Variants in DENND2B observed in about 807,000 individuals in gnomAD.
DENND2B encodes DENN domain-containing protein 2B.
In DENND2B, 32 loss-of-function variants were observed where a neutral mutation model predicts 116.0. That is an observed-to-expected ratio of 0.28 (90% CI 0.21 to 0.37). The LOEUF is 0.37. DENND2B is among the 10% of genes least tolerant of loss of function. The pLI is 1.00. For missense variants in DENND2B, 1,276 were observed against 1,477.7 expected (o/e 0.86, Z 2.24); for synonymous variants, 588 against 583.9 (o/e 1.01, Z -0.10).
In DENND2B at chr11:8,827,305, G is replaced by T. The variant is rs564433243; in HGVS notation, c.-115+12005C>A. Among the ~76,000 whole-genome samples the T allele has an allele frequency of 2.0e-5, 3 of 152,222 alleles. 1 individual carries two copies. Among genetic ancestry groups the T allele is most frequent in the African/African-American group, 7.2e-5 (3 of 41,464 alleles). On this transcript the variant is annotated intron_variant, in intron 4 of 6. Transcript: ENST00000524757. ...AGGACTACTGTCCCCCGCACAGCTA[G>T]TGCCAGCAGAACACTCCCTTCTTAC... is the stretch of plus-strand genomic sequence containing the variant.
chr11:8,902,697 T>C (rs893712613), intron 1 of DENND2B, among the ~76,000 whole-genome samples: 10 of 152,218 alleles, frequency 6.6e-5, no homozygotes, highest in African/African-American at 1.7e-4. Context: ...ATCTGCAGGA[T>C]TCTGTTTCTT....
At chr11:8,804,219 A>G (rs11042075) in intron 1 of DENND2B, among the ~76,000 whole-genome samples, 43,371 of 152,152 alleles carry the variant, frequency 0.29, 6,526 homozygotes, top group East Asian at 0.41. Context: ...ACTCTCAAGT[A>G]CCTTCCTAAC....
exon 2 of DENND2B, chr11:8,870,993 G>A (rs896283798): frequency 1.4e-4 from 22 of 152,096 alleles, no homozygotes; most frequent in African/African-American, 4.3e-4. Context: ...GCGCCTGGAT[G>A]GGGTCTCGCC....
intron 1 of DENND2B, chr11:8,809,590 G>T (rs1033508327): frequency 1.3e-5 from 2 of 152,208 alleles, no homozygotes; most frequent in South Asian, 2.1e-4. Flanking sequence ...TTCTGGGAGG[G>T]TCTCCTTTCC....
At chr11:8,770,833 G>T (rs2134178000) in intron 1 of DENND2B, among the ~76,000 whole-genome samples, 1 of 152,272 alleles carries the variant, frequency 6.6e-6, no homozygotes, top group African/African-American at 2.4e-5. Context: ...TGGGATGATA[G>T]GTGTGCACCA....
intron 3 of DENND2B, among the ~76,000 whole-genome samples, chr11:8,853,668 T>C (rs1403357670): frequency 6.6e-6 from 1 of 152,044 alleles, no homozygotes; most frequent in African/African-American, 2.4e-5. Context: ...AATTGAAAAA[T>C]AAGATAGAAT....
chr11:8,859,336 C>G (rs918541496), intron 2 of DENND2B, among the ~76,000 whole-genome samples: 1 of 151,944 alleles, frequency 6.6e-6, no homozygotes, highest in African/African-American at 2.4e-5. Context: ...GAGACAGAGT[C>G]TCCCTCTCTC....
intron 2 of DENND2B, among the ~76,000 whole-genome samples, chr11:8,739,677 T>A (rs1205764593): frequency 6.6e-6 from 1 of 152,210 alleles, no homozygotes; most frequent in African/African-American, 2.4e-5. Context: ...AACACAGGCA[T>A]GGATGCCAAC....
At chr11:8,905,816 A>T (rs1019924963) in intron 1 of DENND2B, among the ~76,000 whole-genome samples, 2 of 152,134 alleles carry the variant, frequency 1.3e-5, no homozygotes, top group African/African-American at 2.4e-5. Context: ...ATATATTCAT[A>T]TAACGGGATA....
At chr11:8,894,039 CCA>C (rs1467655599) in intron 1 of DENND2B, among the ~76,000 whole-genome samples, 3 of 152,064 alleles carry the variant, frequency 2.0e-5, no homozygotes, top group African/African-American at 7.2e-5. Flanking sequence ...GGTACTGGTA[CCA>C]AAACAGAGAT....
intron 1 of DENND2B, chr11:8,871,198 A>T (rs1396481509): frequency 7.0e-6 from 1 of 142,244 alleles, no homozygotes; most frequent in East Asian, 2.2e-4. Flanking sequence ...GGCGGAGGGG[A>T]GCGCTCGGAG....
chr11:8,769,082 C>T (rs1011781615), intron 1 of DENND2B, among the ~76,000 whole-genome samples: 1 of 152,002 alleles, frequency 6.6e-6, no homozygotes, highest in African/African-American at 2.4e-5. Context: ...GGAGGCACTC[C>T]CCCTATGTCC....
chr11:8,876,379 G>A (rs894265046), upstream of DENND2B, among the ~76,000 whole-genome samples: 6 of 152,044 alleles, frequency 3.9e-5, no homozygotes, highest in Non-Finnish European at 5.9e-5. Flanking sequence ...TGTTACTTAT[G>A]TCTTTTTTAT....
chr11:8,754,075 T>C (rs935145094), intron 1 of DENND2B, among the ~76,000 whole-genome samples: 1 of 122,346 alleles, frequency 8.2e-6, no homozygotes, highest in Non-Finnish European at 1.7e-5. Context: ...AGGACATGAA[T>C]TGTACTATGT....
At chr11:8,758,296 T>C (rs1162282996) in intron 1 of DENND2B, among the ~76,000 whole-genome samples, 2 of 152,158 alleles carry the variant, frequency 1.3e-5, no homozygotes, top group Non-Finnish European at 2.9e-5. Context: ...TCCCATTAGC[T>C]TCTTCCACCA....
intron 1 of DENND2B, chr11:8,785,893 C>G (rs1452122071): frequency 6.6e-6 from 1 of 152,232 alleles, no homozygotes; most frequent in East Asian, 1.9e-4. Flanking sequence ...AGTTACATGG[C>G]TCTAACTTGG....
upstream of DENND2B, among the ~76,000 whole-genome samples, chr11:8,874,454 G>T (rs190114284): frequency 6.6e-6 from 1 of 152,158 alleles, no homozygotes; most frequent in African/African-American, 2.4e-5. Flanking sequence ...AGCATGGTGA[G>T]TTGTCTGGGT....
rs374912878 is a variant in DENND2B at position 8,867,809 on chromosome 11, C to T, written c.-250+3145G>A. On this transcript the variant is annotated intron_variant, in intron 2 of 6. Transcript: ENST00000524757. ...TGTTGCCCAGGCTGGTCTCCAACTCCTGAGCTCAAGCAATCTGCCTGCCTC... is the reference window on the plus strand; with the variant it reads ...TGTTGCCCAGGCTGGTCTCCAACTCTTGAGCTCAAGCAATCTGCCTGCCTC... Among the ~76,000 whole-genome samples the T allele has an allele frequency of 9.2e-5, 14 of 152,124 alleles. No homozygotes were observed. The East Asian group carries it at 1.5e-3, about 17-fold the overall frequency.
chr11:8,754,064 A>ACACACAC lies in DENND2B; in HGVS notation c.-25-3340_-25-3339insGTGTGTG, dbSNP rs1565854666. On this transcript the variant is annotated intron_variant, in intron 1 of 19. Transcript: ENST00000313726. ...ACACACACACACACACACACACACA[A>ACACACAC]AGGACATGAATTGTACTATGTCAAA... Among the ~76,000 whole-genome samples, 8 of 77,762 alleles carry ACACACAC rather than the reference A, an allele frequency of 1.0e-4. No homozygotes were observed. The East Asian group carries it at 2.3e-3, about 22-fold the overall frequency. 51.0% of individuals were successfully genotyped at this position (77,762 alleles called of 152,430 possible).
Sources: gnomAD v4.1 joint callset for allele counts (sites outside exome capture counted in the v4.1 genomes callset) on GRCh38, gnomAD v4.1.1 for gene constraint, MANE v1.5 for transcripts, NCBI Gene and HGNC (gene_info 2026-07-23, HGNC 2026-07-21) for gene names.